The following ZFP64 variants were observed in gnomAD, a reference collection of about 807,000 sequenced individuals.
ZFP64 encodes zinc finger protein 64.
A neutral mutation model predicts 51.6 loss-of-function variants in ZFP64; 14 were observed. The ratio of observed to expected loss-of-function variants is 0.27; its 90% CI spans 0.18 to 0.42. ZFP64 has a LOEUF of 0.42. Ranked by LOEUF, ZFP64 falls within the 10% of genes least tolerant of loss-of-function variation. The pLI is 1.00. For synonymous variants in ZFP64, 375 were observed against 361.4 expected (o/e 1.04, Z -0.43); for missense variants, 754 against 906.8 (o/e 0.83, Z 2.16).
chr20:52,104,608 C>T lies in ZFP64; in HGVS notation c.764-6021G>A, dbSNP rs567410845. 1.4e-3 allele frequency: 627 copies of T among 445,866 alleles called. 1 individual carries two copies. The highest frequency in any genetic ancestry group is 1.8e-3 in the Non-Finnish European group (398 of 215,630). 27.6% of individuals were successfully genotyped at this position (445,866 alleles called of 1,614,324 possible). On this transcript the variant is annotated intron_variant, in intron 5 of 8. Coordinates refer to the ZFP64 transcript ENST00000361387. ...ACAGCAGCGCTGACGCCCTGGGTCC[C>T]TGCGCTTCTGTTCCCTCGGCCTGGA...
rs538388329 is a variant in ZFP64, at chr20:52,160,515, T to A, written c.512-141A>T. The A allele has an allele frequency of 6.0e-6, 7 of 1,163,094 alleles. No homozygotes were observed. In the East Asian group the frequency reaches 1.5e-4, roughly 26 times the overall value. 72.0% of individuals were successfully genotyped at this position (1,163,094 alleles called of 1,614,324 possible). A position where few individuals can be genotyped will look rare whatever the true frequency, so the allele number is the denominator to read the frequency against. ...AACCCTAAAACACTGGGTGGATGAT[T>A]GGCAAAGAGCTAACATCTTGGGAGA... On this transcript the variant is annotated intron_variant, in intron 4 of 5. Transcript: ENST00000216923. The surrounding 1 kb of genome is among the most constrained non-coding windows in gnomAD (Gnocchi z 4.2).
At chr20:52,154,978 T>G (rs903572197) in intron 5 of ZFP64, among the ~76,000 whole-genome samples, 1 of 152,208 alleles carries the variant, frequency 6.6e-6, no homozygotes, top group Non-Finnish European at 1.5e-5. Flanking sequence ...TACCCCTTTT[T>G]GGCAGTTTAG....
chr20:52,191,770 G>T lies in ZFP64; in HGVS notation c.-134C>A, dbSNP rs1229359121. 2 of 1,157,424 alleles carry T rather than the reference G, an allele frequency of 1.7e-6. No homozygotes were observed. The highest frequency in any genetic ancestry group is 2.3e-6 in the Non-Finnish European group (2 of 869,874). 71.7% of individuals were successfully genotyped at this position (1,157,424 alleles called of 1,614,324 possible). ...TTCTCCCAACTCTGCGAGGCGGGGA[G>T]GACGGATGTAAAGCAAGCTGCACTT... On this transcript the variant is annotated 5_prime_UTR_variant, in exon 1 of 6. Coordinates refer to ENST00000216923, the MANE Select transcript of ZFP64 (RefSeq NM_018197.3). The surrounding 1 kb of genome is among the most constrained non-coding windows in gnomAD (Gnocchi z 4.3).
At position 52,085,993 on chromosome 20, in the gene ZFP64, G is replaced by C. The variant is rs2078860222; in HGVS notation, c.1229-727C>G. 6.6e-6 allele frequency among the ~76,000 whole-genome samples: 1 copy of C among 152,128 alleles called. No homozygotes were observed. The highest frequency in any genetic ancestry group is 2.4e-5 in the African/African-American group (1 of 41,418). On this transcript the variant is annotated intron_variant, in intron 8 of 8. Transcript: ENST00000361387. The surrounding 1 kb of genome is among the most constrained non-coding windows in gnomAD (Gnocchi z 4.3). Reference sequence around the variant, plus strand: ...CTAACCTCTCCCCTGCATTCTGGTGGTTGTGACTTTTACACTTTTAAGCTG... The same window carrying C: ...CTAACCTCTCCCCTGCATTCTGGTGCTTGTGACTTTTACACTTTTAAGCTG...
intron 5 of ZFP64, chr20:52,105,429 G>A: frequency 8.4e-7 from 1 of 1,186,956 alleles, no homozygotes; most frequent in Non-Finnish European, 1.1e-6. Flanking sequence ...CAGGAGTCCC[G>A]CGGACTTGCG....
rs141327828 is a variant in ZFP64 at position 52,180,294 on chromosome 20, C to A, written c.286+6538G>T. Among the ~76,000 whole-genome samples, 3 of 152,318 alleles carry A rather than the reference C, an allele frequency of 2.0e-5. No individual in the cohort carries two copies. The East Asian group carries it at 5.8e-4, about 29-fold the overall frequency. On this transcript the variant is annotated intron_variant, in intron 2 of 5. Coordinates refer to ENST00000216923, the MANE Select transcript of ZFP64 (RefSeq NM_018197.3). The stretch of plus-strand genomic sequence containing the variant: ...AATATGTGCTGCTGCAAACGCCACC[C>A]TTGGAATCGCATTGGAATTCACTTC...
chr20:52,163,151 G>A (rs1356906702), intron 4 of ZFP64, among the ~76,000 whole-genome samples: 1 of 152,022 alleles, frequency 6.6e-6, no homozygotes, highest in African/African-American at 2.4e-5. Flanking sequence ...ACCCAACGTC[G>A]GGAGTTCGAG....
chr20:52,098,531 C>T, exon 6 of ZFP64: 5 of 1,614,110 alleles, frequency 3.1e-6, no homozygotes, highest in Non-Finnish European at 4.2e-6. Context: ...TTCGGAGTGT[C>T]AGTGCTTTCA....
chr20:52,084,666 T>C, exon 9 of ZFP64: 4 of 1,614,184 alleles, frequency 2.5e-6, no homozygotes, highest in Non-Finnish European at 3.4e-6. Flanking sequence ...CAAGTCTGAG[T>C]TCTTGTTCTC....
In ZFP64 at chr20:52,153,780, C is replaced by G. The variant is rs1291574695; in HGVS notation, c.764-352G>C. 6.6e-6 allele frequency among the ~76,000 whole-genome samples: 1 copy of G among 152,222 alleles called. No homozygotes were observed. The highest frequency in any genetic ancestry group is 1.5e-5 in the Non-Finnish European group (1 of 68,042). On this transcript the variant is annotated intron_variant, in intron 5 of 5. Transcript: ENST00000216923. This position sits in a 1 kb window ranked among gnomAD's most constrained non-coding sequence, Gnocchi z 5.1. ...GCCCACTCTGCTAGTTAATGGTTCACAGTTGAAGACTTTTGCACAACCCGT... is the reference window on the plus strand; with the variant it reads ...GCCCACTCTGCTAGTTAATGGTTCAGAGTTGAAGACTTTTGCACAACCCGT...
At chr20:52,127,465 T>G (rs541964622) in intron 5 of ZFP64, among the ~76,000 whole-genome samples, 5 of 152,288 alleles carry the variant, frequency 3.3e-5, no homozygotes, top group African/African-American at 1.2e-4. Flanking sequence ...TAGTGAGTTC[T>G]CACAAGAGCT....
intron 5 of ZFP64, among the ~76,000 whole-genome samples, chr20:52,138,441 T>A (rs1348778751): frequency 6.6e-6 from 1 of 151,694 alleles, no homozygotes; most frequent in Non-Finnish European, 1.5e-5. Context: ...AGAAAGATAC[T>A]GAATAACAGA....
intron 5 of ZFP64, among the ~76,000 whole-genome samples, chr20:52,099,957 CTT>C (rs545406206): frequency 2.2e-4 from 34 of 152,182 alleles, no homozygotes; most frequent in Non-Finnish European, 3.8e-4. Flanking sequence ...TCAAAATAGA[CTT>C]AAATCTAAAA....
intron 5 of ZFP64, among the ~76,000 whole-genome samples, chr20:52,112,847 G>A (rs957247432): frequency 6.6e-6 from 1 of 151,860 alleles, no homozygotes; most frequent in African/African-American, 2.4e-5. Flanking sequence ...GAACTCCTGG[G>A]CTCAAGTGAT....
chr20:52,178,892 A>T (rs1983424044), intron 2 of ZFP64, among the ~76,000 whole-genome samples: 1 of 151,912 alleles, frequency 6.6e-6, no homozygotes, highest in African/African-American at 2.4e-5. Context: ...TTACAACTAA[A>T]TCCTCCTCCC....
downstream of ZFP64, among the ~76,000 whole-genome samples, chr20:52,146,401 A>T (rs1600751078): frequency 1.4e-5 from 2 of 138,274 alleles, no homozygotes; most frequent in East Asian, 2.0e-4. Context: ...ATGCAGCCAT[A>T]AAAAATGATG....
chr20:52,173,857 T>C (rs1370257622), intron 2 of ZFP64, among the ~76,000 whole-genome samples: 1 of 151,942 alleles, frequency 6.6e-6, no homozygotes, highest in Non-Finnish European at 1.5e-5. Context: ...ACCATGTTGG[T>C]CAGGCTCATC....
chr20:52,103,801 G>C (rs112962587), intron 5 of ZFP64, among the ~76,000 whole-genome samples: 2 of 152,212 alleles, frequency 1.3e-5, no homozygotes, highest in Admixed American at 1.3e-4. Flanking sequence ...TCGGGCACGA[G>C]GGTGGTTGTA....
At chr20:52,095,514 C>T (rs761786170) in intron 7 of ZFP64, among the ~76,000 whole-genome samples, 7 of 152,198 alleles carry the variant, frequency 4.6e-5, no homozygotes, top group Non-Finnish European at 1.0e-4. Context: ...ACTTCTGGGT[C>T]GTGCCCCAAG....
Sources: gnomAD v4.1 joint callset for allele counts (sites outside exome capture counted in the v4.1 genomes callset) on GRCh38, gnomAD v4.1.1 for gene constraint, Gnocchi (gnomAD v3.1) non-coding constraint, MANE v1.5 for transcripts, NCBI Gene and HGNC (gene_info 2026-07-23, HGNC 2026-07-21) for gene names.